VPS13D: variants seen among roughly 807,000 people sequenced by gnomAD.
The protein encoded by VPS13D is intermembrane lipid transfer protein VPS13D.
In VPS13D, 187 loss-of-function variants were observed where a neutral mutation model predicts 461.9. The observed-to-expected ratio is 0.40, with a 90% CI of 0.36 to 0.46. The LOEUF (loss-of-function observed/expected upper bound fraction) is 0.46, where lower values mean the gene tolerates loss of function less well. Among genes scored for constraint, VPS13D ranks in the 20% least tolerant of loss-of-function variants. The pLI is 0.60. For synonymous variants in VPS13D, 1,951 were observed against 1,986.3 expected, an observed-to-expected ratio of 0.98 and a Z score of 0.47; for missense variants, 4,711 against 5,364.9, an observed-to-expected ratio of 0.88 and a Z score of 3.81.
rs369982812 is a variant in VPS13D at position 12,417,963 on chromosome 1, A to G, written c.12333+1136A>G. 2.8e-4 allele frequency among the ~76,000 whole-genome samples: 43 copies of G among 152,036 alleles called. 3 individuals are homozygous for G. Among genetic ancestry groups the G allele is most frequent in the Admixed American group, 2.1e-3 (32 of 15,272 alleles). ...GGTCTGTCGCCCAGACTGGAGTGCA[A>G]TGGTGTGATCTCTGCTCACTACAAC... On this transcript the variant is annotated intron_variant, in intron 65 of 69. Coordinates refer to ENST00000620676, the MANE Select transcript of VPS13D (RefSeq NM_015378.4).
At chr1:12,388,295 C>T (rs1424027976) in intron 60 of VPS13D, among the ~76,000 whole-genome samples, 2 of 152,132 alleles carry the variant, frequency 1.3e-5, no homozygotes, top group East Asian at 3.9e-4. Flanking sequence ...TGAAATTAGG[C>T]CAGGTGAGGT....
intron 40 of VPS13D, 36 bp from the exon 41 acceptor site, chr1:12,341,744 G>A (rs1643572093): frequency 6.3e-7 from 1 of 1,593,448 alleles, no homozygotes; most frequent in Non-Finnish European, 8.6e-7. Flanking sequence ...ATGCAGATAG[G>A]GGCGTCTGCT....
In VPS13D at chr1:12,378,502, T is replaced by G; in HGVS notation, c.10992T>G (p.Pro3664=). The G allele has an allele frequency of 6.2e-7, 1 of 1,612,876 alleles. No individual in the cohort carries two copies. Among genetic ancestry groups the G allele is most frequent in the Non-Finnish European group, 8.5e-7 (1 of 1,179,528 alleles). ...GMLAHEGSSV[P]HNPNKPSAAR... ...TGGCCCATGAGGGCTCCTCAGTTCC[T>G]CACAATCCCAATAAGCCCTCAGCCG... Residue 3664 remains proline, a synonymous_variant, in exon 56 of 70, where the codon CCT becomes CCG. Transcript: ENST00000620676.
chr1:12,453,449 C>T (rs955294160), intron 65 of VPS13D, among the ~76,000 whole-genome samples: 30 of 152,202 alleles, frequency 2.0e-4, no homozygotes, highest in African/African-American at 7.0e-4. Context: ...TGCGGTGCTC[C>T]TGGGTCTCTT....
chr1:12,508,524 T>G (rs966538391), intron 69 of VPS13D, among the ~76,000 whole-genome samples: 3 of 129,262 alleles, frequency 2.3e-5, no homozygotes, highest in African/African-American at 6.0e-5. Context: ...GCTAACACGG[T>G]GAAACCCCAT....
intron 63 of VPS13D, among the ~76,000 whole-genome samples, chr1:12,413,920 A>C (rs368422534): frequency 2.0e-5 from 3 of 152,172 alleles, no homozygotes; most frequent in Admixed American, 6.5e-5. Flanking sequence ...AAGATTGTGC[A>C]TGTACATTCT....
In VPS13D at chr1:12,246,558, G is replaced by A. The variant is rs569257088; in HGVS notation, c.447+1941G>A. On this transcript the variant is annotated intron_variant, in intron 5 of 69. Transcript: ENST00000620676. The stretch of plus-strand genomic sequence containing the variant: ...CAAGCCTTTCAGATAAGGGATACGT[G>A]ACCTGTACATATACATCTCTCAGAG... Among the ~76,000 whole-genome samples the A allele has an allele frequency of 4.6e-5, 7 of 152,276 alleles. 1 individual carries two copies. The highest frequency in any genetic ancestry group is 3.3e-4 in the Admixed American group (5 of 15,292).
chr1:12,469,398 A>G (rs1457314654), intron 67 of VPS13D, among the ~76,000 whole-genome samples: 1 of 152,236 alleles, frequency 6.6e-6, no homozygotes, highest in Non-Finnish European at 1.5e-5. Context: ...GTAGAAGCAG[A>G]TAGGTGAATA....
intron 46 of VPS13D, among the ~76,000 whole-genome samples, chr1:12,352,434 A>G (rs1643816301): frequency 6.6e-6 from 1 of 152,200 alleles, no homozygotes; most frequent in Admixed American, 6.5e-5. Context: ...AGAACGGACA[A>G]TTTACAGAAG....
At chr1:12,242,943 T>TTTTTC (rs746867372) in intron 3 of VPS13D, among the ~76,000 whole-genome samples, 1 of 152,042 alleles carries the variant, frequency 6.6e-6, no homozygotes, top group South Asian at 2.1e-4. Flanking sequence ...TCCCTTTTTC[T>TTTTTC]TTTTCTTTTC....
At chr1:12,373,883 T>C (rs1318886095) in intron 55 of VPS13D, 25 bp downstream of exon 55, 1 of 1,579,822 alleles carries the variant, frequency 6.3e-7, no homozygotes, top group Admixed American at 1.7e-5. Context: ...AATCAGAGTT[T>C]AGAATACAAG....
chr1:12,321,817 A>C lies in VPS13D; in HGVS notation c.7557A>C (p.Ser2519=). ...TGCATTTCATTCTGTAGGTGTTTTC[A>C]TGCCGACTAGGGAATGAGCATGATA... ...SGSLFGIEVF[S]CRLGNEHDTA... is the part of the protein sequence containing the mutation. Residue 2519 remains serine, a synonymous_variant, in exon 33 of 70, where the codon TCA becomes TCC. Transcript: ENST00000620676. 1.3e-6 allele frequency: 2 copies of C among 1,599,398 alleles called. No homozygotes were observed. The highest frequency in any genetic ancestry group is 1.7e-6 in the Non-Finnish European group (2 of 1,175,846).
chr1:12,232,637 CT>C (rs772757546), intron 1 of VPS13D, among the ~76,000 whole-genome samples: 1,018 of 71,018 alleles, frequency 0.014, 5 homozygotes, highest in African/African-American at 0.043. Flanking sequence ...TAAAATTAGT[CT>C]TTTTTTTTTT....
chr1:12,446,867 G>A (rs537876662), intron 65 of VPS13D, among the ~76,000 whole-genome samples: 3 of 152,308 alleles, frequency 2.0e-5, no homozygotes, highest in South Asian at 4.1e-4. Context: ...GTACATACTA[G>A]TAATGTAAGC....
intron 68 of VPS13D, chr1:12,499,778 T>C: frequency 2.0e-6 from 2 of 985,388 alleles, no homozygotes; most frequent in African/African-American, 3.5e-5. Flanking sequence ...TCAGGGAGTG[T>C]GTCGCATGTT....
At chr1:12,330,239 A>G (rs1643296261) in intron 37 of VPS13D, among the ~76,000 whole-genome samples, 1 of 152,182 alleles carries the variant, frequency 6.6e-6, no homozygotes, top group South Asian at 2.1e-4. Flanking sequence ...AATGTGGCGA[A>G]ACCCTGTCTC....
chr1:12,332,790 G>A (rs896024435), intron 37 of VPS13D, among the ~76,000 whole-genome samples: 1 of 152,204 alleles, frequency 6.6e-6, no homozygotes, highest in Admixed American at 6.5e-5. Context: ...GAAAAAGTGA[G>A]CCTTCATATG....
At chr1:12,481,970 G>T (rs1394852095) in intron 67 of VPS13D, among the ~76,000 whole-genome samples, 1 of 152,196 alleles carries the variant, frequency 6.6e-6, no homozygotes, top group Non-Finnish European at 1.5e-5. Flanking sequence ...GTCCATTTGG[G>T]ACCAGCCAGC....
At chr1:12,264,794 T>G (rs1235963146) in intron 13 of VPS13D, among the ~76,000 whole-genome samples, 2 of 152,240 alleles carry the variant, frequency 1.3e-5, no homozygotes, top group Non-Finnish European at 2.9e-5. Context: ...ATCCTTGCTA[T>G]GCTAAATGAT....
Sources: allele counts gnomAD v4.1 joint callset (sites outside exome capture counted in the v4.1 genomes callset), GRCh38; gene constraint gnomAD v4.1.1; transcripts MANE v1.5; gene names NCBI Gene and HGNC (gene_info 2026-07-23, HGNC 2026-07-21).